Variants in CAMSAP2 observed in about 807,000 individuals in gnomAD.
CAMSAP2 encodes the protein calmodulin regulated spectrin associated protein family member 2, also known as calmodulin-regulated spectrin-associated protein 2.
In CAMSAP2, 26 loss-of-function variants were observed where a neutral mutation model predicts 146.1. The ratio of observed to expected loss-of-function variants is 0.18; its 90% confidence interval spans 0.13 to 0.25. The LOEUF (loss-of-function observed/expected upper bound fraction) is 0.25. CAMSAP2 is among the 10% of genes least tolerant of loss of function. The pLI, the probability that CAMSAP2 is intolerant of heterozygous loss-of-function variation, is 1.00. For synonymous variants in CAMSAP2, 499 were observed against 596.6 expected, an observed-to-expected ratio of 0.84 and a Z score of 2.38; for missense variants, 1,381 against 1,759.3, an observed-to-expected ratio of 0.78 and a Z score of 3.85.
chr1:200,767,191 TG>T (rs932383317), intron 2 of CAMSAP2, among the ~76,000 whole-genome samples: 1 of 151,932 alleles, frequency 6.6e-6, no homozygotes, highest in Non-Finnish European at 1.5e-5. Context: ...AAAAATTAGC[TG>T]GGCATGGTGG....
At chr1:200,836,881 G>A (rs531782932) in intron 6 of CAMSAP2, among the ~76,000 whole-genome samples, 1 of 152,164 alleles carries the variant, frequency 6.6e-6, no homozygotes, top group South Asian at 2.1e-4. Context: ...TTGGCCGCGT[G>A]TATGTCTATG....
intron 3 of CAMSAP2, among the ~76,000 whole-genome samples, chr1:200,808,209 G>C (rs1446782125): frequency 6.6e-6 from 1 of 152,072 alleles, no homozygotes; most frequent in Non-Finnish European, 1.5e-5. Flanking sequence ...GGATTCTTAG[G>C]TTTGCTTGAC....
Position 200,798,597 on chromosome 1 carries a change from A to G in CAMSAP2, c.400-8779A>G, listed in dbSNP as rs1161707422. Reference sequence around the variant, plus strand: ...GACGATGGGGTTTTCTAGATATACAATCATGTCGTCTGCAAACAGGGACAA... The same window carrying G: ...GACGATGGGGTTTTCTAGATATACAGTCATGTCGTCTGCAAACAGGGACAA... On this transcript the variant is annotated intron_variant, in intron 2 of 16. Transcript: ENST00000358823. 2.3e-4 allele frequency among the ~76,000 whole-genome samples: 32 copies of G among 142,004 alleles called. No homozygotes were observed. In the Middle Eastern group the frequency reaches 0.011, roughly 48 times the overall value. 93.2% of individuals were successfully genotyped at this position (142,004 alleles called of 152,430 possible). A position where few individuals can be genotyped will look rare whatever the true frequency, so the allele number is the denominator to read the frequency against.
chr1:200,815,668 G>T (rs747762716), intron 4 of CAMSAP2, 24 bp downstream of exon 4: 19 of 1,277,006 alleles, frequency 1.5e-5, no homozygotes, highest in Non-Finnish European at 2.1e-5. Flanking sequence ...AAACAAAAAG[G>T]TGCCTTTATG....
chr1:200,751,730 C>T, intron 1 of CAMSAP2, among the ~76,000 whole-genome samples: 1 of 152,128 alleles, frequency 6.6e-6, no homozygotes, highest in East Asian at 1.9e-4. Flanking sequence ...ATGGTGAGAG[C>T]ACAGAAGTGT....
chr1:200,854,749 C>A, intron 13 of CAMSAP2, 68 bp from the exon 14 acceptor site: 1 of 1,137,210 alleles, frequency 8.8e-7, no homozygotes, highest in Non-Finnish European at 1.3e-6. Context: ...AGACTCTTTG[C>A]TAGTTGCTCC....
intron 1 of CAMSAP2, among the ~76,000 whole-genome samples, chr1:200,748,322 C>T (rs1213118753): frequency 1.3e-5 from 2 of 152,162 alleles, no homozygotes; most frequent in Non-Finnish European, 2.9e-5. Context: ...TTCTGTAAGT[C>T]CACTCCCTTT....
chr1:200,769,519 C>T (rs1665055534), intron 2 of CAMSAP2, among the ~76,000 whole-genome samples: 1 of 152,170 alleles, frequency 6.6e-6, no homozygotes, highest in African/African-American at 2.4e-5. Context: ...TACCCCACCA[C>T]CACACCAGTC....
intron 2 of CAMSAP2, among the ~76,000 whole-genome samples, chr1:200,804,325 C>T (rs1666116017): frequency 1.3e-5 from 2 of 151,728 alleles, no homozygotes; most frequent in Admixed American, 6.6e-5. Flanking sequence ...CTGTTTTTTC[C>T]ACTCAATTTT....
Position 200,746,812 on chromosome 1 carries a change from G to C in CAMSAP2, c.139+6846G>C, listed in dbSNP as rs772095729. Among the ~76,000 whole-genome samples the C allele has an allele frequency of 3.7e-4, 56 of 152,016 alleles. No homozygotes were observed. In the Middle Eastern group the frequency reaches 0.01, roughly 28 times the overall value. On this transcript the variant is annotated intron_variant, in intron 1 of 16. Transcript: ENST00000358823. ...TTTTTGTATTTTTAGTAGAGACGGG[G>C]TTTCACCGTGTTAGCCAGGATGGTC...
chr1:200,824,918 G>A (rs1459529410), intron 4 of CAMSAP2, among the ~76,000 whole-genome samples: 3 of 152,154 alleles, frequency 2.0e-5, no homozygotes, highest in Non-Finnish European at 4.4e-5. Context: ...GGCGGAGGTT[G>A]CAGTGAGCCG....
chr1:200,847,353 T>A, intron 9 of CAMSAP2, 61 bp downstream of exon 9: 2 of 1,169,174 alleles, frequency 1.7e-6, no homozygotes, highest in East Asian at 2.3e-5. Flanking sequence ...GGGAAATGAT[T>A]GACAGTAAAT....
intron 3 of CAMSAP2, among the ~76,000 whole-genome samples, chr1:200,814,015 G>A (rs1666405493): frequency 6.6e-6 from 1 of 151,180 alleles, no homozygotes; most frequent in Admixed American, 6.6e-5. Flanking sequence ...GGCCGAGACA[G>A]GAGGATTGCT....
At chr1:200,825,727 C>T (rs1206462255) in intron 4 of CAMSAP2, among the ~76,000 whole-genome samples, 2 of 151,998 alleles carry the variant, frequency 1.3e-5, no homozygotes, top group South Asian at 2.1e-4. Context: ...AGGCTGGTCT[C>T]GACCTCCTGA....
At chr1:200,835,944 A>G (rs1667173941) in intron 6 of CAMSAP2, among the ~76,000 whole-genome samples, 1 of 152,200 alleles carries the variant, frequency 6.6e-6, no homozygotes, top group Admixed American at 6.5e-5. Context: ...GTTTATATCA[A>G]CTTTGTCTGG....
At chr1:200,821,372 A>G (rs1244029605) in intron 4 of CAMSAP2, among the ~76,000 whole-genome samples, 1 of 152,034 alleles carries the variant, frequency 6.6e-6, no homozygotes, top group Non-Finnish European at 1.5e-5. Flanking sequence ...TTGTAGAGTC[A>G]GGGTCTCACC....
chr1:200,817,594 G>A (rs1219992176), intron 4 of CAMSAP2, among the ~76,000 whole-genome samples: 20 of 152,172 alleles, frequency 1.3e-4, no homozygotes, highest in Admixed American at 1.3e-3. Context: ...TTATTACACA[G>A]TACTTCTATT....
chr1:200,808,158 C>T (rs999462143), intron 3 of CAMSAP2, among the ~76,000 whole-genome samples: 1 of 152,140 alleles, frequency 6.6e-6, no homozygotes, highest in Non-Finnish European at 1.5e-5. Context: ...TTTTTGAATT[C>T]ATTTCAAGAA....
chr1:200,783,748 C>T (rs141701350), intron 2 of CAMSAP2, among the ~76,000 whole-genome samples: 4 of 152,302 alleles, frequency 2.6e-5, no homozygotes, highest in African/African-American at 9.6e-5. Context: ...CTTGGCCTCC[C>T]AAAGTGCCGG....
Sources: allele counts gnomAD v4.1 joint callset (sites outside exome capture counted in the v4.1 genomes callset), GRCh38; gene constraint gnomAD v4.1.1; transcripts MANE v1.5; gene names NCBI Gene and HGNC (gene_info 2026-07-23, HGNC 2026-07-21).